The following GRID2 variants were observed in gnomAD, a reference collection of about 807,000 sequenced individuals.
GRID2 encodes glutamate receptor ionotropic, delta-2.
A neutral mutation model predicts 114.8 loss-of-function variants in GRID2; 33 were observed. The observed-to-expected ratio is 0.29, with a 90% CI of 0.22 to 0.38. The LOEUF (loss-of-function observed/expected upper bound fraction) is 0.38, where lower values mean the gene tolerates loss of function less well. Ranked by LOEUF, GRID2 falls within the 10% of genes least tolerant of loss-of-function variation. GRID2 has a pLI of 1.00. For missense variants in GRID2, 1,184 were observed against 1,257.7 expected, an observed-to-expected ratio of 0.94 and a Z score of 0.89; for synonymous variants, 505 against 449.9, an observed-to-expected ratio of 1.12 and a Z score of -1.55.
At chr4:93,803,867 A>G (rs1191370176) in intron 1 of GRID2, among the ~76,000 whole-genome samples, 1 of 152,252 alleles carries the variant, frequency 6.6e-6, no homozygotes, top group African/African-American at 2.4e-5. Flanking sequence ...TTGAAAAAGC[A>G]GACAAAAGAC....
intron 2 of GRID2, among the ~76,000 whole-genome samples, chr4:93,008,889 T>C (rs1721834951): frequency 6.6e-6 from 1 of 152,162 alleles, no homozygotes; most frequent in South Asian, 2.1e-4. Flanking sequence ...TCAAAAATAT[T>C]TTGTAAAGTG....
chr4:93,332,492 G>A (rs1314546759), intron 8 of GRID2, among the ~76,000 whole-genome samples: 1 of 151,872 alleles, frequency 6.6e-6, no homozygotes, highest in East Asian at 1.9e-4. Context: ...ACAACCAGAG[G>A]AGTCTAATAT....
intron 2 of GRID2, among the ~76,000 whole-genome samples, chr4:92,721,099 C>T (rs1209200858): frequency 1.3e-5 from 2 of 152,076 alleles, no homozygotes; most frequent in South Asian, 2.1e-4. Context: ...GACACCTAGA[C>T]TAGTCAAATT....
intron 2 of GRID2, among the ~76,000 whole-genome samples, chr4:92,902,619 G>A (rs529160480): frequency 6.6e-6 from 1 of 152,062 alleles, no homozygotes; most frequent in Non-Finnish European, 1.5e-5. Flanking sequence ...TATTTTTATA[G>A]TTACAGGTCT....
At chr4:92,709,728 A>G in intron 2 of GRID2, among the ~76,000 whole-genome samples, 1 of 151,846 alleles carries the variant, frequency 6.6e-6, no homozygotes, top group East Asian at 1.9e-4. Context: ...GCTTAGCAAG[A>G]TGCCATTTTG....
chr4:92,576,002 G>A (rs1014432580), intron 1 of GRID2, among the ~76,000 whole-genome samples: 1 of 152,208 alleles, frequency 6.6e-6, no homozygotes. Context: ...CCATGCTAAG[G>A]AACCGCCTCT....
intron 8 of GRID2, among the ~76,000 whole-genome samples, chr4:93,301,424 T>C (rs1754856160): frequency 6.6e-6 from 1 of 152,180 alleles, no homozygotes; most frequent in African/African-American, 2.4e-5. Flanking sequence ...TAAACTGGGA[T>C]TCGTTAAAAG....
chr4:93,014,717 G>A (rs1243647516), intron 2 of GRID2, among the ~76,000 whole-genome samples: 1 of 152,124 alleles, frequency 6.6e-6, no homozygotes, highest in African/African-American at 2.4e-5. Flanking sequence ...GTCAATAGAA[G>A]CATTTTATAA....
At chr4:92,754,096 T>C (rs1020371625) in intron 2 of GRID2, among the ~76,000 whole-genome samples, 4 of 152,194 alleles carry the variant, frequency 2.6e-5, no homozygotes, top group Admixed American at 2.0e-4. Context: ...AAAGTTAACG[T>C]GCAAACCATT....
At chr4:92,853,290 A>G (rs911314950) in intron 2 of GRID2, among the ~76,000 whole-genome samples, 3 of 152,076 alleles carry the variant, frequency 2.0e-5, no homozygotes, top group Non-Finnish European at 2.9e-5. Context: ...ATTGATTAAG[A>G]CAATGAAACT....
intron 6 of GRID2, chr4:93,217,377 A>T (rs1281387336): frequency 2.6e-5 from 4 of 153,622 alleles, no homozygotes; most frequent in African/African-American, 9.6e-5. Context: ...GTCATATCCA[A>T]CTCCGAGAGG....
At chr4:92,393,008 G>T (rs1730320912) in intron 1 of GRID2, among the ~76,000 whole-genome samples, 1 of 152,166 alleles carries the variant, frequency 6.6e-6, no homozygotes, top group Admixed American at 6.6e-5. Context: ...TATACAGGAA[G>T]CATGGCAACA....
intron 14 of GRID2, among the ~76,000 whole-genome samples, chr4:93,744,926 C>T (rs913285774): frequency 3.3e-5 from 5 of 152,302 alleles, no homozygotes; most frequent in Admixed American, 3.3e-4. Flanking sequence ...GCAAGACTCT[C>T]CACTAGCAAA....
chr4:92,534,171 C>G (rs991512969), intron 1 of GRID2, among the ~76,000 whole-genome samples: 3 of 152,008 alleles, frequency 2.0e-5, no homozygotes. Context: ...AATGTTTAAT[C>G]AAGGATCCAG....
Position 93,773,582 on chromosome 4 carries a change from C to A in GRID2, c.*1084C>A, listed in dbSNP as rs1161796590. The A allele has an allele frequency of 6.6e-6, 1 of 152,104 alleles. No homozygotes were observed. Among genetic ancestry groups the A allele is most frequent in the Non-Finnish European group, 1.5e-5 (1 of 67,976 alleles). The allele number at this position is 152,104 out of a possible 1,614,324, so 9.4% of individuals were successfully genotyped here. On this transcript the variant is annotated 3_prime_UTR_variant, in exon 16 of 16. Transcript: ENST00000282020. ...TTATCTAAATGAAAAATGCTATTAGCTGAACCACATCCACAACAGCACATA... is the reference window on the plus strand; with the variant it reads ...TTATCTAAATGAAAAATGCTATTAGATGAACCACATCCACAACAGCACATA...
At chr4:92,888,232 C>G (rs1321503959) in intron 2 of GRID2, among the ~76,000 whole-genome samples, 1 of 151,940 alleles carries the variant, frequency 6.6e-6, no homozygotes, top group African/African-American at 2.4e-5. Flanking sequence ...ATTATTAACT[C>G]CAGAACACAT....
At chr4:93,353,569 G>GGA (rs1761015180) in intron 8 of GRID2, among the ~76,000 whole-genome samples, 1 of 151,982 alleles carries the variant, frequency 6.6e-6, no homozygotes, top group Admixed American at 6.6e-5. Context: ...AGCAGCCCAA[G>GGA]GAGCTAGCAA....
At chr4:93,395,369 T>C (rs546987821) in intron 8 of GRID2, among the ~76,000 whole-genome samples, 9 of 152,120 alleles carry the variant, frequency 5.9e-5, no homozygotes, top group African/African-American at 2.2e-4. Flanking sequence ...TTAAGTAAAA[T>C]GTCCTCAATG....
intron 14 of GRID2, among the ~76,000 whole-genome samples, chr4:93,713,516 G>T (rs1728659422): frequency 6.6e-6 from 1 of 151,782 alleles, no homozygotes; most frequent in Non-Finnish European, 1.5e-5. Context: ...AAGTGGAGAA[G>T]ATACAATGGT....
Sources: allele counts gnomAD v4.1 joint callset (sites outside exome capture counted in the v4.1 genomes callset), GRCh38; gene constraint gnomAD v4.1.1; transcripts MANE v1.5; gene names NCBI Gene and HGNC (gene_info 2026-07-23, HGNC 2026-07-21).